Variants in SNX2 observed in about 807,000 individuals in gnomAD.
The protein encoded by SNX2 is sorting nexin 2.
SNX2 carries 25 observed loss-of-function variants against 69.9 expected under a neutral mutation model. That is an observed-to-expected ratio of 0.36 (90% CI 0.26 to 0.50). SNX2 has a LOEUF of 0.50. Among genes scored for constraint, SNX2 ranks in the 20% least tolerant of loss-of-function variants. The pLI is 0.97. For missense variants in SNX2, 551 were observed against 613.3 expected (o/e 0.90, Z 1.07); for synonymous variants, 229 against 200.4 (o/e 1.14, Z -1.20).
chr5:122,799,823 G>C lies in SNX2; in HGVS notation c.358G>C (p.Ala120Pro). Reference protein sequence around the residue: ...APRIESKSMSAPVIFDRSREE... With the variant: ...APRIESKSMSPPVIFDRSREE... The stretch of plus-strand genomic sequence containing the variant: ...TAGAATTGAATCAAAGAGTATGTCT[G>C]CTCCCGTGATCTTTGATAGATCCAG... The change falls in exon 3 of 15, where the codon GCT (alanine) becomes CCT (proline). Residue 120 changes from alanine to proline, a missense_variant. Physicochemically the swap from Ala to Pro is conservative, Grantham distance 27. Around this residue, in one of 2 missense-constraint regions of SNX2, gnomAD observed 191 missense variants for 162.9 expected, o/e 1.17. Transcript: ENST00000379516. The C allele has an allele frequency of 6.2e-7, 1 of 1,612,454 alleles. No individual in the cohort carries two copies. The highest frequency in any genetic ancestry group is 1.3e-5 in the African/African-American group (1 of 74,968).
chr5:122,777,766 A>G (rs894060373), intron 1 of SNX2, among the ~76,000 whole-genome samples: 1 of 152,250 alleles, frequency 6.6e-6, no homozygotes, highest in Non-Finnish European at 1.5e-5. Context: ...GTACCTGTGT[A>G]CAATGTGTAA....
intron 14 of SNX2, 44 bp downstream of exon 14, chr5:122,827,690 T>C: frequency 1.5e-6 from 2 of 1,369,910 alleles, no homozygotes; most frequent in Non-Finnish European, 2.1e-6. Context: ...GAATTTGTTT[T>C]TGGTATACTT....
intron 8 of SNX2, 64 bp downstream of exon 8, chr5:122,816,035 T>C: frequency 2.5e-6 from 2 of 791,570 alleles, no homozygotes; most frequent in Non-Finnish European, 4.1e-6. Context: ...GTAATGTATA[T>C]GACTATATAT....
At chr5:122,827,732 G>A in intron 14 of SNX2, 86 bp downstream of exon 14, 6 of 884,618 alleles carry the variant, frequency 6.8e-6, no homozygotes, top group Non-Finnish European at 8.9e-6. Flanking sequence ...AATGAACTGG[G>A]CATTTAAACT....
At chr5:122,781,326 G>A (rs1752977111) in intron 1 of SNX2, among the ~76,000 whole-genome samples, 1 of 152,156 alleles carries the variant, frequency 6.6e-6, no homozygotes, top group African/African-American at 2.4e-5. Flanking sequence ...GAGTCATTAA[G>A]TTTGTTCTAT....
chr5:122,793,017 G>A (rs536575085), intron 1 of SNX2, among the ~76,000 whole-genome samples: 11 of 152,258 alleles, frequency 7.2e-5, no homozygotes, highest in South Asian at 2.1e-4. Flanking sequence ...TTCATATGCT[G>A]CTGGTGGGAG....
intron 7 of SNX2, chr5:122,815,624 G>T: frequency 4.3e-6 from 1 of 230,232 alleles, no homozygotes; most frequent in Non-Finnish European, 8.4e-6. Context: ...GAGAAGTTTG[G>T]TAAGTTATTT....
intron 1 of SNX2, chr5:122,775,698 A>C (rs961336864): frequency 1.0e-6 from 1 of 985,686 alleles, no homozygotes; most frequent in African/African-American, 1.7e-5. Context: ...CTTTCCCAGG[A>C]ATGGCCCTTC....
intron 1 of SNX2, among the ~76,000 whole-genome samples, chr5:122,784,989 T>G (rs1753051162): frequency 6.6e-6 from 1 of 152,236 alleles, no homozygotes; most frequent in African/African-American, 2.4e-5. Context: ...TTGTGAAATT[T>G]ATGGGCATAC....
In SNX2 at chr5:122,816,957, A is replaced by G. The variant is rs1260151287; in HGVS notation, c.841A>G (p.Ile281Val). The G allele has an allele frequency of 1.9e-6, 3 of 1,613,562 alleles. No individual in the cohort carries two copies. The highest frequency in any genetic ancestry group is 2.5e-6 in the Non-Finnish European group (3 of 1,179,624). The stretch of plus-strand genomic sequence containing the variant: ...TACACAGGCTCTGAGTGGAGCAGGA[A>G]TATTGAGGATGGTGAACAAGGCTGC... ...VNTQALSGAG[I>V]LRMVNKAADA... Residue 281 changes from isoleucine to valine, a missense_variant, in exon 9 of 15, where the codon ATA (isoleucine) becomes GTA (valine). Ile to Val is a conservative substitution (Grantham distance 29). This residue lies in a region of SNX2 where 360 missense variants were observed against 450.4 expected (regional missense o/e 0.80). Coordinates refer to ENST00000379516, the MANE Select transcript of SNX2 (RefSeq NM_003100.4).
At chr5:122,821,671 G>C (rs916676732) in intron 11 of SNX2, among the ~76,000 whole-genome samples, 2 of 152,108 alleles carry the variant, frequency 1.3e-5, no homozygotes, top group African/African-American at 4.8e-5. Context: ...TAGCCAGGAT[G>C]GTCTTGATCT....
intron 11 of SNX2, among the ~76,000 whole-genome samples, chr5:122,823,259 TTGAC>T (rs1225564008): frequency 4.6e-5 from 7 of 152,362 alleles, no homozygotes; most frequent in Middle Eastern, 3.4e-3. Context: ...TGTTAGAAGT[TTGAC>T]TGGTGCTGGT....
Position 122,795,274 on chromosome 5 carries a change from A to T in SNX2, c.117A>T (p.Pro39=). ...TTGTTCTTTTTTAACAGTCAAGTCC[A>T]TCATCTCCAGAACCAGCTAGTCTTC... The part of the protein sequence containing the change: ...TSTVSTLESS[P]SSPEPASLPA... The change falls in exon 2 of 15, where the codon CCA becomes CCT. Residue 39 remains proline (P), a synonymous_variant. Coordinates refer to ENST00000379516, the MANE Select transcript of SNX2 (RefSeq NM_003100.4). The T allele has an allele frequency of 6.2e-7, 1 of 1,611,698 alleles. No homozygotes were observed. Among genetic ancestry groups the T allele is most frequent in the Non-Finnish European group, 8.5e-7 (1 of 1,178,052 alleles).
chr5:122,787,588 G>A (rs1485916697), intron 1 of SNX2, among the ~76,000 whole-genome samples: 2 of 152,064 alleles, frequency 1.3e-5, no homozygotes, highest in Admixed American at 6.5e-5. Flanking sequence ...ACTCCAAGCT[G>A]CTGATGGTTG....
At chr5:122,779,559 T>C (rs1407955692) in intron 1 of SNX2, among the ~76,000 whole-genome samples, 17 of 152,206 alleles carry the variant, frequency 1.1e-4, no homozygotes, top group Non-Finnish European at 4.4e-5. Flanking sequence ...CATTTGTTGA[T>C]GGACATTTAG....
chr5:122,819,178 C>G (rs113114374), intron 11 of SNX2, among the ~76,000 whole-genome samples, 155 bp downstream of exon 11: 9 of 152,268 alleles, frequency 5.9e-5, no homozygotes, highest in Admixed American at 2.6e-4. Flanking sequence ...ACTTTCTTCC[C>G]TATGACTTGC....
At chr5:122,803,727 C>T (rs907308530) in intron 6 of SNX2, 114 bp downstream of exon 6, 4 of 731,730 alleles carry the variant, frequency 5.5e-6, no homozygotes, top group African/African-American at 5.4e-5. Context: ...AATGTGTAGA[C>T]ATAACTGAAT....
Position 122,834,379 on chromosome 5 carries a change from C to T in SNX2, c.*4731C>T, listed in dbSNP as rs978835622. 6.6e-6 allele frequency: 1 copy of T among 152,058 alleles called. No individual in the cohort carries two copies. The highest frequency in any genetic ancestry group is 1.5e-5 in the Non-Finnish European group (1 of 67,994). The allele number at this position is 152,058 out of a possible 1,614,324, so 9.4% of individuals were successfully genotyped here. ...ATTTCTTAACTGGGCAAAATGGAAA[C>T]TTTGTAACTGAAGCCAGTCAAGGTG... On this transcript the variant is annotated 3_prime_UTR_variant, in exon 15 of 15. Transcript: ENST00000379516.
At chr5:122,791,502 G>T (rs956332836) in intron 1 of SNX2, among the ~76,000 whole-genome samples, 7 of 152,204 alleles carry the variant, frequency 4.6e-5, no homozygotes, top group Non-Finnish European at 1.0e-4. Flanking sequence ...GGCTGGTCTC[G>T]AACTCTTGAC....
Sources: allele counts gnomAD v4.1 joint callset (sites outside exome capture counted in the v4.1 genomes callset), GRCh38; gene constraint gnomAD v4.1.1; regional missense constraint gnomAD v4.1.1; transcripts MANE v1.5; gene names NCBI Gene and HGNC (gene_info 2026-07-23, HGNC 2026-07-21).